The following EYS variants were observed in gnomAD, a reference collection of about 807,000 sequenced individuals.
The protein encoded by EYS is EGF-like photoreceptor maintenance factor.
EYS carries 250 observed loss-of-function variants against 282.1 expected under a neutral mutation model. That is an observed-to-expected ratio of 0.89 (90% CI 0.80 to 0.98). EYS has a LOEUF of 0.98. EYS is among the 50% of genes least tolerant of loss of function. EYS has a pLI of 0.00. For synonymous variants in EYS, 1,355 were observed against 1,282.9 expected, an observed-to-expected ratio of 1.06 and a Z score of -1.20; for missense variants, 4,016 against 3,709.0, an observed-to-expected ratio of 1.08 and a Z score of -2.15.
intron 36 of EYS, among the ~76,000 whole-genome samples, chr6:63,851,713 A>T (rs568949009): frequency 6.6e-6 from 1 of 152,344 alleles, no homozygotes; most frequent in East Asian, 1.9e-4. Flanking sequence ...CCCACATCAG[A>T]AAGTGGGAAG....
intron 12 of EYS, among the ~76,000 whole-genome samples, chr6:65,163,512 G>C (rs1358427150): frequency 6.6e-6 from 1 of 151,024 alleles, no homozygotes; most frequent in Non-Finnish European, 1.5e-5. Flanking sequence ...GACATTCTGG[G>C]CCAGTGTACT....
intron 26 of EYS, among the ~76,000 whole-genome samples, chr6:64,465,679 T>G (rs1220362840): frequency 6.6e-6 from 1 of 151,840 alleles, no homozygotes; most frequent in Non-Finnish European, 1.5e-5. Flanking sequence ...TTCATGACAT[T>G]GGTCTGAGAA....
Position 64,658,354 on chromosome 6 carries a change from T to C in EYS, c.3444-32109A>G, listed in dbSNP as rs189404313. Among the ~76,000 whole-genome samples the C allele has an allele frequency of 2.7e-3, 410 of 152,324 alleles. 2 individuals are homozygous for C. The highest frequency in any genetic ancestry group is 9.4e-3 in the African/African-American group (390 of 41,582). ...TCTGAAGCCTTCTTCTCTCAGCTCATCAAAGTCATTCTCCGTCCAGCATTG... is the reference window on the plus strand; with the variant it reads ...TCTGAAGCCTTCTTCTCTCAGCTCACCAAAGTCATTCTCCGTCCAGCATTG... On this transcript the variant is annotated intron_variant, in intron 22 of 42. Coordinates refer to ENST00000503581, the MANE Select transcript of EYS (RefSeq NM_001142800.2).
intron 26 of EYS, among the ~76,000 whole-genome samples, chr6:64,508,261 G>A (rs1777275180): frequency 6.6e-6 from 1 of 152,078 alleles, no homozygotes; most frequent in Non-Finnish European, 1.5e-5. Context: ...GTTGCTTTCA[G>A]TTATTCTGTG....
chr6:65,266,054 A>G (rs1767744652), intron 12 of EYS, among the ~76,000 whole-genome samples: 1 of 151,984 alleles, frequency 6.6e-6, no homozygotes. Context: ...AGTAAGAAAT[A>G]CAGTATTATC....
At chr6:63,956,647 G>A (rs1325804764) in intron 35 of EYS, among the ~76,000 whole-genome samples, 6 of 152,142 alleles carry the variant, frequency 3.9e-5, no homozygotes, top group African/African-American at 4.8e-5. Context: ...GCAATGTGAT[G>A]TTTTGATATA....
intron 1 of EYS, among the ~76,000 whole-genome samples, chr6:65,646,618 C>A (rs2149816005): frequency 6.6e-6 from 1 of 152,282 alleles, no homozygotes; most frequent in East Asian, 1.9e-4. Flanking sequence ...CAGAACACGA[C>A]TAGCATGCCC....
intron 31 of EYS, among the ~76,000 whole-genome samples, chr6:64,158,822 G>A (rs1775012886): frequency 6.6e-6 from 1 of 152,160 alleles, no homozygotes; most frequent in South Asian, 2.1e-4. Flanking sequence ...CTTCTGCTAT[G>A]TTTTGCACTA....
Position 65,288,026 on chromosome 6 carries a change from G to A in EYS, c.2023+7837C>T, listed in dbSNP as rs79341678. On this transcript the variant is annotated intron_variant, in intron 12 of 42. Coordinates refer to ENST00000503581, the MANE Select transcript of EYS (RefSeq NM_001142800.2). ...CAATAATTTCATCAGACATTGTATA[G>A]AACAGTATTCTACTAATAGGACTAA... 2.4e-3 allele frequency among the ~76,000 whole-genome samples: 367 copies of A among 151,252 alleles called. 4 individuals are homozygous for A. Among genetic ancestry groups the A allele is most frequent in the African/African-American group, 8.3e-3 (343 of 41,450 alleles).
intron 1 of EYS, among the ~76,000 whole-genome samples, chr6:65,655,285 G>T (rs1767782222): frequency 1.3e-5 from 2 of 151,620 alleles, no homozygotes; most frequent in African/African-American, 4.8e-5. Flanking sequence ...AGTGTGAGAT[G>T]CATATAGTGA....
chr6:65,174,362 T>G (rs997168979), intron 12 of EYS, among the ~76,000 whole-genome samples: 1 of 151,408 alleles, frequency 6.6e-6, no homozygotes, highest in Admixed American at 6.6e-5. Flanking sequence ...TTGATAGCAC[T>G]GATTTCTAAA....
intron 33 of EYS, among the ~76,000 whole-genome samples, chr6:64,016,083 C>A (rs189579385): frequency 6.6e-6 from 1 of 152,278 alleles, no homozygotes; most frequent in African/African-American, 2.4e-5. Context: ...TACCTTTGGG[C>A]TGCTCTGTCC....
chr6:65,676,120 A>G (rs1383173933), intron 1 of EYS, among the ~76,000 whole-genome samples: 1 of 151,870 alleles, frequency 6.6e-6, no homozygotes, highest in Non-Finnish European at 1.5e-5. Context: ...AAACACCTAC[A>G]TTATAAAGAA....
chr6:64,253,260 A>G (rs1310076372), intron 30 of EYS, among the ~76,000 whole-genome samples: 1 of 152,160 alleles, frequency 6.6e-6, no homozygotes, highest in East Asian at 1.9e-4. Context: ...GTAAGGCACA[A>G]AATACTGTAT....
intron 26 of EYS, among the ~76,000 whole-genome samples, chr6:64,509,140 AAC>A (rs1342086556): frequency 3.3e-5 from 5 of 152,176 alleles, no homozygotes; most frequent in African/African-American, 1.2e-4. Context: ...CAATTTTACA[AAC>A]ACAGAGCTGT....
At position 64,792,740 on chromosome 6, in the gene EYS, T is replaced by C. The variant is rs189011329; in HGVS notation, c.3443+20638A>G. Among the ~76,000 whole-genome samples, 781 of 152,210 alleles carry C rather than the reference T, an allele frequency of 5.1e-3. 3 individuals are homozygous for C. The highest frequency in any genetic ancestry group is 0.016 in the African/African-American group (676 of 41,570). On this transcript the variant is annotated intron_variant, in intron 22 of 42. Transcript: ENST00000503581. ...ATTTATTTGGCATAGTCAGCTATTA[T>C]ATTGTATAATGTTAGGCTAAGAAAG... is the stretch of plus-strand genomic sequence containing the variant.
chr6:65,580,441 A>C (rs953165294), intron 2 of EYS, among the ~76,000 whole-genome samples: 2 of 152,114 alleles, frequency 1.3e-5, no homozygotes, highest in Non-Finnish European at 2.9e-5. Context: ...GTAGACAACA[A>C]ATTACAAAAG....
intron 33 of EYS, among the ~76,000 whole-genome samples, chr6:64,009,942 C>G (rs1768530315): frequency 6.6e-6 from 1 of 151,690 alleles, no homozygotes; most frequent in Non-Finnish European, 1.5e-5. Flanking sequence ...TCTTTGATTT[C>G]CTTGGGGGTT....
At chr6:63,976,813 G>GT (rs1484154920) in intron 35 of EYS, among the ~76,000 whole-genome samples, 1 of 151,940 alleles carries the variant, frequency 6.6e-6, no homozygotes, top group East Asian at 1.9e-4. Context: ...GTAGAGGGGA[G>GT]TTTAGATTTT....
Sources: gnomAD v4.1 joint callset for allele counts (sites outside exome capture counted in the v4.1 genomes callset) on GRCh38, gnomAD v4.1.1 for gene constraint, MANE v1.5 for transcripts, NCBI Gene and HGNC (gene_info 2026-07-23, HGNC 2026-07-21) for gene names.